Variants in JAM3 observed in about 807,000 individuals in gnomAD.
JAM3 encodes junctional adhesion molecule C.
JAM3 carries 31 observed loss-of-function variants against 39.4 expected under a neutral mutation model. The observed-to-expected ratio is 0.79, with a 90% CI of 0.59 to 1.06. JAM3 has a LOEUF of 1.06. JAM3 is among the 50% of genes least tolerant of loss of function. The pLI, the probability that JAM3 is intolerant of heterozygous loss-of-function variation, is 0.00. For synonymous variants in JAM3, 182 were observed against 148.7 expected, an observed-to-expected ratio of 1.22 and a Z score of -1.63; for missense variants, 455 against 391.4, an observed-to-expected ratio of 1.16 and a Z score of -1.37.
chr11:134,111,438 AAATC>A (rs1486129939), intron 1 of JAM3, among the ~76,000 whole-genome samples: 1 of 152,120 alleles, frequency 6.6e-6, no homozygotes, highest in Non-Finnish European at 1.5e-5. Context: ...ATACCAGTGA[AAATC>A]AAGGCATTCA....
intron 1 of JAM3, among the ~76,000 whole-genome samples, chr11:134,092,013 C>T (rs111706901): frequency 1.3e-5 from 2 of 152,010 alleles, no homozygotes; most frequent in Non-Finnish European, 2.9e-5. Flanking sequence ...TAATTGAGTT[C>T]GTACTCTAAA....
intron 1 of JAM3, among the ~76,000 whole-genome samples, chr11:134,095,643 A>T (rs868299300): frequency 1.1e-4 from 16 of 150,912 alleles, no homozygotes; most frequent in Middle Eastern, 6.8e-3. Context: ...AAAAAAAAAG[A>T]TTTGTTCTAA....
chr11:134,109,568 G>C (rs2120720956), intron 1 of JAM3, among the ~76,000 whole-genome samples: 1 of 152,280 alleles, frequency 6.6e-6, no homozygotes, highest in East Asian at 1.9e-4. Flanking sequence ...TCAATCAATT[G>C]AGAACTTTAT....
intron 1 of JAM3, among the ~76,000 whole-genome samples, chr11:134,092,014 G>A (rs943846180): frequency 3.3e-5 from 5 of 151,878 alleles, no homozygotes; most frequent in East Asian, 1.9e-4. Context: ...AATTGAGTTC[G>A]TACTCTAAAT....
chr11:134,107,346 G>C (rs1041844519), intron 1 of JAM3, among the ~76,000 whole-genome samples: 4 of 152,056 alleles, frequency 2.6e-5, no homozygotes, highest in South Asian at 2.1e-4. Flanking sequence ...GTTGGGAGAG[G>C]GGGGAGGGAT....
intron 1 of JAM3, among the ~76,000 whole-genome samples, chr11:134,106,830 C>A (rs1222670213): frequency 1.3e-5 from 2 of 152,172 alleles, no homozygotes; most frequent in Non-Finnish European, 2.9e-5. Context: ...AGTCAGGAAA[C>A]AACAGGTGCT....
chr11:134,072,447 C>A (rs1266139003), intron 1 of JAM3, among the ~76,000 whole-genome samples: 1 of 152,008 alleles, frequency 6.6e-6, no homozygotes, highest in Non-Finnish European at 1.5e-5. Flanking sequence ...GCTGAGATTA[C>A]AGATGCGTGC....
At position 134,144,787 on chromosome 11, in the gene JAM3, C is replaced by G; in HGVS notation, c.410-5C>G. 1 of 1,613,344 alleles carries G rather than the reference C, an allele frequency of 6.2e-7. No individual in the cohort carries two copies. The highest frequency in any genetic ancestry group is 8.5e-7 in the Non-Finnish European group (1 of 1,179,444). ...ATCTTAAACACCACCCCTTTTTCCC[C>G]ACAGTGAAGCCAGTGACCCCTGTCT... On this transcript the variant is annotated splice_region_variant and splice_polypyrimidine_tract_variant and intron_variant, in intron 4 of 8. Coordinates refer to ENST00000299106, the MANE Select transcript of JAM3 (RefSeq NM_032801.5).
intron 1 of JAM3, among the ~76,000 whole-genome samples, chr11:134,126,838 T>A (rs191603456): frequency 2.0e-5 from 3 of 152,336 alleles, no homozygotes; most frequent in Non-Finnish European, 4.4e-5. Context: ...TCCCACTGAT[T>A]ATTAGCTGTT....
intron 1 of JAM3, among the ~76,000 whole-genome samples, chr11:134,109,064 C>T (rs1050704464): frequency 6.6e-6 from 1 of 152,184 alleles, no homozygotes; most frequent in Non-Finnish European, 1.5e-5. Context: ...TCAAGCAATT[C>T]TCGTGCCTTA....
chr11:134,095,262 G>A (rs964031006), intron 1 of JAM3, among the ~76,000 whole-genome samples: 1 of 152,154 alleles, frequency 6.6e-6, no homozygotes, highest in Admixed American at 6.5e-5. Context: ...ACCTTCTAAA[G>A]ATCTGTTTGC....
At chr11:134,125,321 T>A (rs1317098881) in intron 1 of JAM3, among the ~76,000 whole-genome samples, 1 of 152,230 alleles carries the variant, frequency 6.6e-6, no homozygotes, top group Non-Finnish European at 1.5e-5. Flanking sequence ...GAGGCTTTTT[T>A]TAGGTCGCTT....
intron 1 of JAM3, among the ~76,000 whole-genome samples, chr11:134,091,017 G>T (rs1032959434): frequency 2.0e-5 from 3 of 152,020 alleles, no homozygotes; most frequent in Admixed American, 2.0e-4. Context: ...CTAATGTATT[G>T]GCTGGCTAAG....
intron 8 of JAM3, 147 bp downstream of exon 8, chr11:134,148,965 C>T: frequency 1.3e-6 from 1 of 767,078 alleles, no homozygotes; most frequent in South Asian, 1.7e-5. Flanking sequence ...AACACACACA[C>T]ACACACACAC....
chr11:134,096,001 T>A (rs560145175), intron 1 of JAM3, among the ~76,000 whole-genome samples: 17 of 152,280 alleles, frequency 1.1e-4, no homozygotes, highest in African/African-American at 3.8e-4. Flanking sequence ...TTTTTTGAGA[T>A]GGAGCCTTAC....
intron 1 of JAM3, among the ~76,000 whole-genome samples, chr11:134,122,430 C>T (rs188660974): frequency 1.4e-4 from 22 of 152,318 alleles, no homozygotes; most frequent in Admixed American, 9.8e-4. Context: ...ATCGTAACTG[C>T]CTTCCACAAA....
At chr11:134,080,749 G>C (rs1457904717) in intron 1 of JAM3, among the ~76,000 whole-genome samples, 2 of 152,182 alleles carry the variant, frequency 1.3e-5, no homozygotes, top group East Asian at 3.8e-4. Context: ...TACCAGTAGA[G>C]TGGGGCGCTA....
At chr11:134,106,313 G>T (rs1247578887) in intron 1 of JAM3, among the ~76,000 whole-genome samples, 2 of 152,078 alleles carry the variant, frequency 1.3e-5, no homozygotes, top group South Asian at 4.2e-4. Flanking sequence ...GCTGAAACTG[G>T]ATCCCTTCCT....
In JAM3 at chr11:134,099,214, A is replaced by G. The variant is rs1159681015; in HGVS notation, c.76+30055A>G. The stretch of plus-strand genomic sequence containing the variant: ...AGACCCTATTTCAAAAAATAAAAAT[A>G]AAAATAATACTACCAGGTTGCATGG... On this transcript the variant is annotated intron_variant, in intron 1 of 8. Coordinates refer to ENST00000299106, the MANE Select transcript of JAM3 (RefSeq NM_032801.5). Among the ~76,000 whole-genome samples, 7 of 152,068 alleles carry G rather than the reference A, an allele frequency of 4.6e-5. No homozygotes were observed. The East Asian group carries it at 1.4e-3, about 29-fold the overall frequency.
Sources: gnomAD v4.1 joint callset for allele counts (sites outside exome capture counted in the v4.1 genomes callset) on GRCh38, gnomAD v4.1.1 for gene constraint, MANE v1.5 for transcripts, NCBI Gene and HGNC (gene_info 2026-07-23, HGNC 2026-07-21) for gene names.